Variants in TAOK1 observed in about 807,000 individuals in gnomAD.
The protein encoded by TAOK1 is serine/threonine-protein kinase TAO1.
A neutral mutation model predicts 138.3 loss-of-function variants in TAOK1; 21 were observed. The observed-to-expected ratio is 0.15, with a 90% CI of 0.11 to 0.22. TAOK1 has a LOEUF of 0.22. Ranked by LOEUF, TAOK1 falls within the 10% of genes least tolerant of loss-of-function variation. The pLI, the probability that TAOK1 is intolerant of heterozygous loss-of-function variation, is 1.00. For synonymous variants in TAOK1, 361 were observed against 398.4 expected, an observed-to-expected ratio of 0.91 and a Z score of 1.12; for missense variants, 651 against 1,227.7, an observed-to-expected ratio of 0.53 and a Z score of 7.02.
At chr17:29,396,509 A>G (rs1227331602) in intron 1 of TAOK1, among the ~76,000 whole-genome samples, 2 of 152,230 alleles carry the variant, frequency 1.3e-5, no homozygotes, top group African/African-American at 4.8e-5. Flanking sequence ...TTATCTTTAA[A>G]GCTGAGAAGG....
At chr17:29,473,970 G>A (rs2030888064) in intron 3 of TAOK1, among the ~76,000 whole-genome samples, 1 of 152,096 alleles carries the variant, frequency 6.6e-6, no homozygotes, top group South Asian at 2.1e-4. Flanking sequence ...GACCTCAAGT[G>A]ATCTGTCCGC....
At position 29,475,799 on chromosome 17, in the gene TAOK1, G is replaced by C. The variant is rs745777189; in HGVS notation, c.306+28G>C. 5.8e-6 allele frequency: 9 copies of C among 1,555,548 alleles called. 1 individual carries two copies. In the South Asian group the frequency reaches 1.0e-4, roughly 18 times the overall value. ...TGGTATTTGTTCTCCCCTTGTTGCAGTTTTAGCTGATTTTGGTTTATAATG... is the reference window on the plus strand; with the variant it reads ...TGGTATTTGTTCTCCCCTTGTTGCACTTTTAGCTGATTTTGGTTTATAATG... On this transcript the variant is annotated intron_variant, in intron 4 of 19. Transcript: ENST00000261716.
chr17:29,482,034 T>G lies in TAOK1; in HGVS notation c.564-163T>G, dbSNP rs189861534. 2.0e-3 allele frequency among the ~76,000 whole-genome samples: 298 copies of G among 152,306 alleles called. 2 individuals carry two copies. The highest frequency in any genetic ancestry group is 6.5e-3 in the African/African-American group (272 of 41,574). On this transcript the variant is annotated intron_variant, in intron 7 of 19. Coordinates refer to ENST00000261716, the MANE Select transcript of TAOK1 (RefSeq NM_020791.4). The stretch of plus-strand genomic sequence containing the variant: ...ATATATGCATTGCTAAATATTTACC[T>G]CACAACCTGTAATGCACTTAGTTCC...
chr17:29,477,313 C>T (rs1369770043), intron 4 of TAOK1, among the ~76,000 whole-genome samples: 1 of 151,888 alleles, frequency 6.6e-6, no homozygotes, highest in Non-Finnish European at 1.5e-5. Flanking sequence ...TGGAATAGTA[C>T]ATTTTTAAGA....
At chr17:29,421,006 T>G (rs1905425070) in intron 1 of TAOK1, among the ~76,000 whole-genome samples, 2 of 152,148 alleles carry the variant, frequency 1.3e-5, no homozygotes, top group Non-Finnish European at 2.9e-5. Context: ...CTCAGCTCAT[T>G]GCAACCTCTG....
chr17:29,412,892 CT>C (rs1905180349), intron 1 of TAOK1, among the ~76,000 whole-genome samples: 1 of 152,178 alleles, frequency 6.6e-6, no homozygotes, highest in Non-Finnish European at 1.5e-5. Flanking sequence ...TTGTGTGAGT[CT>C]TGCACGGGAA....
intron 17 of TAOK1, among the ~76,000 whole-genome samples, chr17:29,525,595 A>G (rs955478030): frequency 5.9e-5 from 9 of 151,690 alleles, no homozygotes; most frequent in African/African-American, 2.2e-4. Context: ...GGGTTTCACC[A>G]TGTTGGCCCT....
At chr17:29,440,130 C>T (rs1364271521) in intron 1 of TAOK1, among the ~76,000 whole-genome samples, 1 of 152,116 alleles carries the variant, frequency 6.6e-6, no homozygotes, top group African/African-American at 2.4e-5. Context: ...CTTGCATTTA[C>T]CTTTCTGACA....
At chr17:29,538,882 C>A (rs1411505663) in intron 19 of TAOK1, among the ~76,000 whole-genome samples, 1 of 151,958 alleles carries the variant, frequency 6.6e-6, no homozygotes, top group African/African-American at 2.4e-5. Flanking sequence ...TATAAATGAC[C>A]TTTTTTTAAT....
chr17:29,437,835 C>T (rs543794852), intron 1 of TAOK1, among the ~76,000 whole-genome samples: 1 of 22,634 alleles, frequency 4.4e-5, no homozygotes, highest in South Asian at 1.6e-3. Context: ...CCAGGTTCAA[C>T]GATTCTCTTG....
intron 3 of TAOK1, among the ~76,000 whole-genome samples, chr17:29,474,138 A>G (rs1287083265): frequency 2.0e-5 from 3 of 152,096 alleles, no homozygotes; most frequent in Non-Finnish European, 4.4e-5. Flanking sequence ...CACCTCTCTC[A>G]GCCTTTGTAG....
At chr17:29,445,881 T>C (rs952420216) in intron 1 of TAOK1, among the ~76,000 whole-genome samples, 3 of 152,176 alleles carry the variant, frequency 2.0e-5, no homozygotes, top group African/African-American at 7.2e-5. Context: ...GTAGAATTGG[T>C]ATTTTTTTTT....
Position 29,390,824 on chromosome 17 carries a change from C to A in TAOK1, c.-295C>A, listed in dbSNP as rs931547436. On this transcript the variant is annotated 5_prime_UTR_variant, in exon 1 of 20. Coordinates refer to ENST00000261716, the MANE Select transcript of TAOK1 (RefSeq NM_020791.4). ...CTCCTCGACCCCGGTCGTCCCCTCG[C>A]CCCCCCCCCCACCCCCCGCCGCCGC... The A allele has an allele frequency of 8.2e-6, 1 of 121,978 alleles. No individual in the cohort carries two copies. The highest frequency in any genetic ancestry group is 1.8e-5 in the Non-Finnish European group (1 of 55,704). 7.6% of individuals were successfully genotyped at this position (121,978 alleles called of 1,614,324 possible).
At chr17:29,536,586 C>T (rs548074793) in intron 19 of TAOK1, among the ~76,000 whole-genome samples, 2 of 151,098 alleles carry the variant, frequency 1.3e-5, no homozygotes, top group African/African-American at 4.9e-5. Context: ...GGCAACAGAG[C>T]AAGACTCCAT....
chr17:29,426,446 T>A (rs1016410936), intron 1 of TAOK1, among the ~76,000 whole-genome samples: 3 of 152,046 alleles, frequency 2.0e-5, no homozygotes, highest in Non-Finnish European at 2.9e-5. Flanking sequence ...AGTATAGTAG[T>A]CTGGGAGGAC....
chr17:29,483,234 C>T (rs2031099691), intron 8 of TAOK1, among the ~76,000 whole-genome samples: 1 of 152,020 alleles, frequency 6.6e-6, no homozygotes. Flanking sequence ...CACACCAGCA[C>T]ACCAGGCTAA....
rs146210176 is a variant in TAOK1 at position 29,409,756 on chromosome 17, G to GA, written c.-95+18733dup. On this transcript the variant is annotated intron_variant, in intron 1 of 19. Transcript: ENST00000261716. ...CACACAATAGGTTATGAAGTCGTGG[G>GA]ATTTCTTCTTTTGAAATGTGTTTCA... 1.5e-3 allele frequency among the ~76,000 whole-genome samples: 224 copies of GA among 152,224 alleles called. 1 individual carries two copies. The highest frequency in any genetic ancestry group is 5.0e-3 in the African/African-American group (207 of 41,542).
chr17:29,403,669 G>A (rs764479677), intron 1 of TAOK1: 2 of 152,108 alleles, frequency 1.3e-5, no homozygotes, highest in African/African-American at 2.4e-5. Context: ...AGTCCCAGAG[G>A]GGCAATATAA....
In TAOK1 at chr17:29,419,291, G is replaced by T. The variant is rs544431705; in HGVS notation, c.-95+28267G>T. ...GGCTCACCGCAACCTCCGCCTCCTG[G>T]GTTCAAGCGATTCTCCTGCCTCAGC... is the stretch of plus-strand genomic sequence containing the variant. On this transcript the variant is annotated intron_variant, in intron 1 of 19. Transcript: ENST00000261716. Among the ~76,000 whole-genome samples, 231 of 152,038 alleles carry T rather than the reference G, an allele frequency of 1.5e-3. 1 individual carries two copies. Among genetic ancestry groups the T allele is most frequent in the African/African-American group, 5.1e-3 (211 of 41,466 alleles).
Sources: gnomAD v4.1 joint callset for allele counts (sites outside exome capture counted in the v4.1 genomes callset) on GRCh38, gnomAD v4.1.1 for gene constraint, MANE v1.5 for transcripts, NCBI Gene and HGNC (gene_info 2026-07-23, HGNC 2026-07-21) for gene names.